GLCCI1: variants seen among roughly 807,000 people sequenced by gnomAD.
GLCCI1 encodes glucocorticoid induced 1, also known as glucocorticoid-induced transcript 1 protein.
A neutral mutation model predicts 52.2 loss-of-function variants in GLCCI1; 24 were observed. The ratio of observed to expected loss-of-function variants is 0.46; its 90% confidence interval spans 0.33 to 0.65. The LOEUF is 0.65. GLCCI1 is among the 30% of genes least tolerant of loss of function. The pLI is 0.02. For synonymous variants in GLCCI1, 310 were observed against 276.5 expected (o/e 1.12, Z -1.20); for missense variants, 704 against 701.5 (o/e 1.00, Z -0.04).
rs2127960638 is a variant in GLCCI1, at chr7:8,060,236, A to G, written c.954A>G (p.Glu318=). 2.5e-6 allele frequency: 4 copies of G among 1,610,870 alleles called. No individual in the cohort carries two copies. In the South Asian group the frequency reaches 4.4e-5, roughly 18 times the overall value. ...TCATTAAAGAAAATAATGGGAAGGA[A>G]GAAGTATCCAAGGTAAGGTTACATG... ...KVFIKENNGK[E]EVSKPLDIPD... is the part of the protein sequence containing the mutation. The change falls in exon 5 of 8, where the codon GAA becomes GAG. Residue 318 remains glutamate, a synonymous_variant. Transcript: ENST00000223145.
Position 7,969,461 on chromosome 7 carries a change from CG to C in GLCCI1, c.114del (p.Ser39AlafsTer129). ...GGTCCCCGCCCGCCGTCGCCGCCGC[CG>C]GGAGCGGGAACGGTGCGGGCGGCGG... is the stretch of plus-strand genomic sequence containing the variant. The part of the protein sequence containing the change: ...AGSPPAVAAA[G>X]SGNGAGGGGG... On this transcript the variant is annotated frameshift_variant, in exon 1 of 8. Transcript: ENST00000223145. LOFTEE classifies it high-confidence loss of function. The surrounding 1 kb of genome is among the most constrained non-coding windows in gnomAD (Gnocchi z 4.9). 1 of 1,143,666 alleles carries C rather than the reference CG, an allele frequency of 8.7e-7. No homozygotes were observed. Among genetic ancestry groups the C allele is most frequent in the South Asian group, 3.4e-5 (1 of 29,478 alleles). The allele number at this position is 1,143,666 out of a possible 1,614,324, so 70.8% of individuals were successfully genotyped here.
At chr7:8,058,477 G>GA (rs1463235088) in intron 4 of GLCCI1, among the ~76,000 whole-genome samples, 1 of 152,086 alleles carries the variant, frequency 6.6e-6, no homozygotes, top group African/African-American at 2.4e-5. Flanking sequence ...TACAAGATAT[G>GA]AAAATGTAAT....
At chr7:8,033,839 G>T (rs747348872) in intron 3 of GLCCI1, among the ~76,000 whole-genome samples, 5 of 152,078 alleles carry the variant, frequency 3.3e-5, no homozygotes, top group Non-Finnish European at 7.4e-5. Flanking sequence ...TAGATTCAAT[G>T]CAATTTCTAT....
In GLCCI1 at chr7:8,079,596, C is replaced by T. The variant is rs547912611; in HGVS notation, c.1178-5301C>T. 3.3e-5 allele frequency among the ~76,000 whole-genome samples: 5 copies of T among 151,548 alleles called. No homozygotes were observed. The East Asian group carries it at 5.8e-4, about 18-fold the overall frequency. On this transcript the variant is annotated intron_variant, in intron 6 of 7. Coordinates refer to ENST00000223145, the MANE Select transcript of GLCCI1 (RefSeq NM_138426.4). ...TTAGCATATCAACAATAATGATTAGCACTGTTGTTCTGCATATCAAGATTA... is the reference window on the plus strand; with the variant it reads ...TTAGCATATCAACAATAATGATTAGTACTGTTGTTCTGCATATCAAGATTA...
intron 7 of GLCCI1, among the ~76,000 whole-genome samples, chr7:8,085,991 C>G (rs1335780239): frequency 6.6e-6 from 1 of 152,132 alleles, no homozygotes; most frequent in Non-Finnish European, 1.5e-5. Context: ...ATCCTTTTGT[C>G]TCAAATACCA....
intron 1 of GLCCI1, among the ~76,000 whole-genome samples, chr7:7,979,300 G>A (rs1233437711): frequency 6.6e-6 from 1 of 152,118 alleles, no homozygotes; most frequent in African/African-American, 2.4e-5. Flanking sequence ...TCAGGGAATT[G>A]CATTTGCTCA....
In GLCCI1 at chr7:8,053,168, TC is replaced by T. The variant is rs201759139; in HGVS notation, c.697-2264del. Among the ~76,000 whole-genome samples the T allele has an allele frequency of 6.7e-3, 1,012 of 152,124 alleles. 8 individuals are homozygous for T. The highest frequency in any genetic ancestry group is 0.023 in the African/African-American group (946 of 41,552). Reference sequence around the variant, plus strand: ...TTAAGTAAGGCCAGTTTCTGTTTTTTCTTCATTTAATTGCATAAATGCTTTA... The same window carrying T: ...TTAAGTAAGGCCAGTTTCTGTTTTTTTTCATTTAATTGCATAAATGCTTTA... On this transcript the variant is annotated intron_variant, in intron 3 of 7. Transcript: ENST00000223145.
chr7:8,024,046 T>C (rs893841535), intron 3 of GLCCI1, among the ~76,000 whole-genome samples: 1 of 152,340 alleles, frequency 6.6e-6, no homozygotes, highest in African/African-American at 2.4e-5. Context: ...TGGATCAATA[T>C]TGAGTAAGTC....
intron 2 of GLCCI1, among the ~76,000 whole-genome samples, chr7:8,009,813 TG>T (rs984470046): frequency 6.6e-6 from 1 of 152,072 alleles, no homozygotes; most frequent in African/African-American, 2.4e-5. Context: ...AACAAATTTT[TG>T]TAGGCCTTTC....
intron 1 of GLCCI1, among the ~76,000 whole-genome samples, chr7:7,991,439 T>G (rs1780837066): frequency 6.6e-6 from 1 of 152,080 alleles, no homozygotes; most frequent in Non-Finnish European, 1.5e-5. Flanking sequence ...CTTTTCAGAA[T>G]TAGAGGAATT....
intron 2 of GLCCI1, among the ~76,000 whole-genome samples, chr7:8,006,865 G>C (rs1781161887): frequency 6.6e-6 from 1 of 152,148 alleles, no homozygotes; most frequent in South Asian, 2.1e-4. Flanking sequence ...CTTTAAGCTG[G>C]CTTTACACAT....
Position 8,088,859 on chromosome 7 carries a change from G to T in GLCCI1, c.*2321G>T, listed in dbSNP as rs923946072. ...TTGCCATGTAAATTTCCCAGAAGTT[G>T]TTGAGCTCAAATGTATCCTACATCC... On this transcript the variant is annotated 3_prime_UTR_variant, in exon 8 of 8. Coordinates refer to ENST00000223145, the MANE Select transcript of GLCCI1 (RefSeq NM_138426.4). 6.6e-6 allele frequency: 1 copy of T among 152,398 alleles called. No homozygotes were observed. Among genetic ancestry groups the T allele is most frequent in the Non-Finnish European group, 1.5e-5 (1 of 68,040 alleles). 9.4% of individuals were successfully genotyped at this position (152,398 alleles called of 1,614,324 possible).
At chr7:8,037,691 G>A (rs1365984859) in intron 3 of GLCCI1, among the ~76,000 whole-genome samples, 2 of 152,056 alleles carry the variant, frequency 1.3e-5, no homozygotes, top group African/African-American at 4.8e-5. Context: ...CAAGGTAAAG[G>A]GGTGGAAAAA....
chr7:8,061,224 C>T (rs184344614), intron 5 of GLCCI1, among the ~76,000 whole-genome samples: 95 of 151,592 alleles, frequency 6.3e-4, no homozygotes, highest in African/African-American at 2.2e-3. Flanking sequence ...CTCAGCCTCC[C>T]GAGTAGCTGG....
chr7:8,088,749 C>T lies in GLCCI1; in HGVS notation c.*2211C>T, dbSNP rs767797303. 6.6e-6 allele frequency: 1 copy of T among 152,610 alleles called. No individual in the cohort carries two copies. The highest frequency in any genetic ancestry group is 6.5e-5 in the Admixed American group (1 of 15,282). The allele number at this position is 152,610 out of a possible 1,614,324, so 9.5% of individuals were successfully genotyped here. A position where few individuals can be genotyped will look rare whatever the true frequency, so the allele number is the denominator to read the frequency against. On this transcript the variant is annotated 3_prime_UTR_variant, in exon 8 of 8. Coordinates refer to ENST00000223145, the MANE Select transcript of GLCCI1 (RefSeq NM_138426.4). ...TTATAGTGATGTGCTTTTATTTTCT[C>T]ATGAGATACTAAATATTAATTGTGT...
At chr7:8,025,426 G>A (rs941304342) in intron 3 of GLCCI1, among the ~76,000 whole-genome samples, 1 of 152,014 alleles carries the variant, frequency 6.6e-6, no homozygotes, top group South Asian at 2.1e-4. Context: ...GTTAAAAAGG[G>A]CAATAACTAA....
intron 2 of GLCCI1, among the ~76,000 whole-genome samples, chr7:8,021,956 A>T (rs1166244396): frequency 1.3e-5 from 2 of 152,190 alleles, no homozygotes; most frequent in African/African-American, 4.8e-5. Context: ...CTTTTATAAT[A>T]ACTTTATGTG....
chr7:8,071,163 G>A (rs1361017541), intron 6 of GLCCI1, 32 bp downstream of exon 6: 1 of 1,551,398 alleles, frequency 6.4e-7, no homozygotes, highest in African/African-American at 1.4e-5. Context: ...TAGAGGGTTT[G>A]TTATGGGCCT....
intron 2 of GLCCI1, among the ~76,000 whole-genome samples, chr7:8,010,835 A>C (rs1781249020): frequency 6.6e-6 from 1 of 152,222 alleles, no homozygotes; most frequent in African/African-American, 2.4e-5. Flanking sequence ...ACAGAGATGG[A>C]ATCATACTTT....
Sources: gnomAD v4.1 joint callset for allele counts (sites outside exome capture counted in the v4.1 genomes callset) on GRCh38, gnomAD v4.1.1 for gene constraint, Gnocchi (gnomAD v3.1) non-coding constraint, MANE v1.5 for transcripts, NCBI Gene and HGNC (gene_info 2026-07-23, HGNC 2026-07-21) for gene names.